Variants in MC2R observed in about 807,000 individuals in gnomAD.
MC2R encodes adrenocorticotropic hormone receptor.
Under a neutral mutation model 9.8 loss-of-function variants are expected in MC2R, and 9 were observed. The observed-to-expected ratio is 0.92, with a 90% confidence interval of 0.55 to 1.60. The LOEUF (loss-of-function observed/expected upper bound fraction) is 1.60. Among genes scored for constraint, MC2R ranks in the 40% most tolerant of loss-of-function variants. The pLI, the probability that MC2R is intolerant of heterozygous loss-of-function variation, is 0.00. For synonymous variants in MC2R, 185 were observed against 154.7 expected (o/e 1.20, Z -1.45); for missense variants, 370 against 389.0 (o/e 0.95, Z 0.41).
chr18:13,884,409 C>T lies in MC2R; in HGVS notation c.*216G>A, dbSNP rs184146485. 5.7e-5 allele frequency: 35 copies of T among 610,438 alleles called. No homozygotes were observed. Among genetic ancestry groups the T allele is most frequent in the East Asian group, 3.6e-4 (13 of 35,818 alleles). 37.8% of individuals were successfully genotyped at this position (610,438 alleles called of 1,614,324 possible). Reference sequence around the variant, plus strand: ...GTATTCTATCCTTCTTTTACTACATCGTTTTATCTGTCCAGTCACAAAGTT... The same window carrying T: ...GTATTCTATCCTTCTTTTACTACATTGTTTTATCTGTCCAGTCACAAAGTT... On this transcript the variant is annotated 3_prime_UTR_variant, in exon 2 of 2. Coordinates refer to ENST00000327606, the MANE Select transcript of MC2R (RefSeq NM_000529.2).
At chr18:13,903,318 A>G (rs952973864) in intron 1 of MC2R, among the ~76,000 whole-genome samples, 4 of 152,208 alleles carry the variant, frequency 2.6e-5, no homozygotes, top group African/African-American at 9.6e-5. Context: ...GAGTTACCAT[A>G]TGATCCAGAA....
At chr18:13,911,812 G>T (rs1396058404) in intron 1 of MC2R, among the ~76,000 whole-genome samples, 1 of 152,226 alleles carries the variant, frequency 6.6e-6, no homozygotes, top group Non-Finnish European at 1.5e-5. Context: ...ATCACTTAAA[G>T]AATTGGCAGT....
intron 1 of MC2R, among the ~76,000 whole-genome samples, chr18:13,894,212 T>G (rs1384859805): frequency 6.6e-6 from 1 of 152,110 alleles, no homozygotes; most frequent in Non-Finnish European, 1.5e-5. Flanking sequence ...CAAACTAAAG[T>G]TTGATTAGTG....
At chr18:13,891,632 T>G (rs535678877) in intron 1 of MC2R, among the ~76,000 whole-genome samples, 48 of 152,308 alleles carry the variant, frequency 3.2e-4, no homozygotes, top group African/African-American at 1.1e-3. Flanking sequence ...CTGGGGACTG[T>G]TTCAGCATCT....
intron 1 of MC2R, among the ~76,000 whole-genome samples, chr18:13,889,793 T>C (rs1429941965): frequency 2.0e-5 from 3 of 152,234 alleles, no homozygotes; most frequent in Non-Finnish European, 4.4e-5. Context: ...TCTTGTGTCC[T>C]GTGCTGTGCA....
intron 1 of MC2R, among the ~76,000 whole-genome samples, chr18:13,898,057 T>G (rs1046627712): frequency 6.6e-6 from 1 of 151,330 alleles, no homozygotes; most frequent in South Asian, 2.1e-4. Context: ...TGGAATAGAG[T>G]ACCAAGCAGG....
At chr18:13,907,436 G>A (rs1275463029) in intron 1 of MC2R, among the ~76,000 whole-genome samples, 1 of 152,118 alleles carries the variant, frequency 6.6e-6, no homozygotes, top group South Asian at 2.1e-4. Context: ...AAAACATTGT[G>A]GAAATGCTTC....
Position 13,904,477 on chromosome 18 carries a change from A to G in MC2R, c.-129+11011T>C, listed in dbSNP as rs555925556. ...GGGAGAAATGGAAAGCCTTTCCTCT[A>G]AGATCTAGAACAAGACAACGATGCC... On this transcript the variant is annotated intron_variant, in intron 1 of 1. Transcript: ENST00000327606. Among the ~76,000 whole-genome samples the G allele has an allele frequency of 1.8e-4, 28 of 152,212 alleles. No individual in the cohort carries two copies. The South Asian group carries it at 5.6e-3, about 30-fold the overall frequency.
At chr18:13,897,617 G>T (rs2045354012) in intron 1 of MC2R, among the ~76,000 whole-genome samples, 1 of 151,972 alleles carries the variant, frequency 6.6e-6, no homozygotes, top group Non-Finnish European at 1.5e-5. Context: ...CCTTCCTTCT[G>T]CTTGAGGAGA....
At chr18:13,903,660 G>T (rs2045393638) in intron 1 of MC2R, among the ~76,000 whole-genome samples, 1 of 152,162 alleles carries the variant, frequency 6.6e-6, no homozygotes, top group African/African-American at 2.4e-5. Context: ...GTAGAAAGAT[G>T]GTTGCCAGAG....
chr18:13,886,805 G>A (rs183572746), intron 1 of MC2R, among the ~76,000 whole-genome samples: 4 of 152,234 alleles, frequency 2.6e-5, no homozygotes, highest in African/African-American at 9.6e-5. Context: ...GACAAATTTG[G>A]GAGCACAGCC....
At chr18:13,895,655 G>A (rs73958672) in intron 1 of MC2R, among the ~76,000 whole-genome samples, 5,526 of 152,268 alleles carry the variant, frequency 0.036, 288 homozygotes, top group African/African-American at 0.12. Flanking sequence ...CTCTCAGGAA[G>A]GGGAGTGGAT....
In MC2R at chr18:13,892,548, A is replaced by G. The variant is rs190895415; in HGVS notation, c.-128-6902T>C. On this transcript the variant is annotated intron_variant, in intron 1 of 1. Coordinates refer to ENST00000327606, the MANE Select transcript of MC2R (RefSeq NM_000529.2). ...GGCTCATGTGCCTTCCTTTTCTGCC[A>G]GGGCACCCCTTCACTCCTAGATGCT... Among the ~76,000 whole-genome samples, 389 of 152,276 alleles carry G rather than the reference A, an allele frequency of 2.6e-3. 1 individual carries two copies. The highest frequency in any genetic ancestry group is 9.0e-3 in the African/African-American group (376 of 41,560).
intron 1 of MC2R, among the ~76,000 whole-genome samples, chr18:13,908,809 A>C (rs1486183914): frequency 6.6e-6 from 1 of 151,880 alleles, no homozygotes; most frequent in South Asian, 2.1e-4. Context: ...ACTGGGTGGT[A>C]GAGCTATGAG....
chr18:13,899,716 C>A lies in MC2R; in HGVS notation c.-128-14070G>T, dbSNP rs896163194. On this transcript the variant is annotated intron_variant, in intron 1 of 1. Transcript: ENST00000327606. Reference sequence around the variant, plus strand: ...AGAGTGGCATGGTATATTTAAAGTGCTGAAGGGAAAAACTTTTACCTGAGA... The same window carrying A: ...AGAGTGGCATGGTATATTTAAAGTGATGAAGGGAAAAACTTTTACCTGAGA... 2.0e-5 allele frequency among the ~76,000 whole-genome samples: 3 copies of A among 152,176 alleles called. No homozygotes were observed. The South Asian group carries it at 6.2e-4, about 32-fold the overall frequency.
Position 13,883,609 on chromosome 18 carries a change from ACACACACACACACACACACT to A in MC2R, c.*996_*1015del, listed in dbSNP as rs1307083832. 1.9e-4 allele frequency: 20 copies of A among 102,982 alleles called. No homozygotes were observed. The highest frequency in any genetic ancestry group is 7.3e-4 in the African/African-American group (18 of 24,612). The allele number at this position is 102,982 out of a possible 1,614,324, so 6.4% of individuals were successfully genotyped here. On this transcript the variant is annotated 3_prime_UTR_variant, in exon 2 of 2. Coordinates refer to ENST00000327606, the MANE Select transcript of MC2R (RefSeq NM_000529.2). ...CACACACACACACACACACACACAC[ACACACACACACACACACACT>A]CTCTCTCTCTCTCTCTCTCTCTCTC... is the stretch of plus-strand genomic sequence containing the variant.
chr18:13,906,239 C>T (rs1567902521), intron 1 of MC2R, among the ~76,000 whole-genome samples: 1 of 152,154 alleles, frequency 6.6e-6, no homozygotes, highest in Non-Finnish European at 1.5e-5. Flanking sequence ...TCATGGAATA[C>T]TATGCAGCCA....
chr18:13,886,166 C>T (rs2045275024), intron 1 of MC2R, among the ~76,000 whole-genome samples: 1 of 152,224 alleles, frequency 6.6e-6, no homozygotes, highest in Admixed American at 6.5e-5. Flanking sequence ...GGCTTCACCA[C>T]TACACGGTAT....
At chr18:13,897,898 G>C (rs2045356288) in intron 1 of MC2R, among the ~76,000 whole-genome samples, 1 of 151,996 alleles carries the variant, frequency 6.6e-6, no homozygotes, top group South Asian at 2.1e-4. Flanking sequence ...TGAAGGCCTT[G>C]GGTGAGCCTG....
Sources: gnomAD v4.1 joint callset for allele counts (sites outside exome capture counted in the v4.1 genomes callset) on GRCh38, gnomAD v4.1.1 for gene constraint, MANE v1.5 for transcripts, NCBI Gene and HGNC (gene_info 2026-07-23, HGNC 2026-07-21) for gene names.